Variants in SCAI observed in about 807,000 individuals in gnomAD.
SCAI encodes protein SCAI.
Under a neutral mutation model 92.2 loss-of-function variants are expected in SCAI, and 24 were observed. The ratio of observed to expected loss-of-function variants is 0.26; its 90% CI spans 0.19 to 0.37. The LOEUF (loss-of-function observed/expected upper bound fraction) is 0.37, where lower values mean the gene tolerates loss of function less well. Ranked by LOEUF, SCAI falls within the 10% of genes least tolerant of loss-of-function variation. The pLI is 1.00. For missense variants in SCAI, 450 were observed against 736.2 expected (o/e 0.61, Z 4.50); for synonymous variants, 261 against 258.6 (o/e 1.01, Z -0.09).
intron 2 of SCAI, among the ~76,000 whole-genome samples, chr9:125,113,497 A>G (rs1436890204): frequency 2.6e-5 from 4 of 152,180 alleles, no homozygotes; most frequent in African/African-American, 7.2e-5. Flanking sequence ...CAACAGAAAA[A>G]GGATATTAGG....
intron 14 of SCAI, among the ~76,000 whole-genome samples, chr9:124,983,830 A>T (rs1212665301): frequency 6.6e-6 from 1 of 152,250 alleles, no homozygotes; most frequent in East Asian, 1.9e-4. Context: ...CAACTTGGCT[A>T]CCTACTATCT....
chr9:124,999,926 G>T lies in SCAI; in HGVS notation c.1209C>A (p.Ile403=). ...SNRDIINGDA[I]HKRNQSHKEM... ...CCTTGTGGGACTGATTTCGTTTGTG[G>T]ATGGCATCTCCATTAATAATATCCC... is the stretch of plus-strand genomic sequence containing the variant. The change falls in exon 13 of 18, where the codon ATC becomes ATA. Residue 403 remains isoleucine, a synonymous_variant. Transcript: ENST00000336505. 6.3e-7 allele frequency: 1 copy of T among 1,595,714 alleles called. No homozygotes were observed. The highest frequency in any genetic ancestry group is 8.6e-7 in the Non-Finnish European group (1 of 1,167,780).
At chr9:125,016,376 A>T (rs1462745442) in intron 9 of SCAI, among the ~76,000 whole-genome samples, 1 of 136,236 alleles carries the variant, frequency 7.3e-6, no homozygotes, top group Non-Finnish European at 1.6e-5. Flanking sequence ...AGACAGAGCA[A>T]GACTCTGTCT....
At chr9:125,123,936 T>C (rs1025577560) in intron 2 of SCAI, among the ~76,000 whole-genome samples, 1 of 152,168 alleles carries the variant, frequency 6.6e-6, no homozygotes, top group African/African-American at 2.4e-5. Context: ...GGAGAATATA[T>C]GGAGAGAGAA....
chr9:125,093,133 G>A (rs1388932735), intron 2 of SCAI, among the ~76,000 whole-genome samples: 1 of 152,144 alleles, frequency 6.6e-6, no homozygotes, highest in African/African-American at 2.4e-5. Flanking sequence ...GGCCAAGGTG[G>A]GTGGATCACT....
chr9:125,100,231 T>C (rs746292822), intron 2 of SCAI, among the ~76,000 whole-genome samples: 17 of 152,224 alleles, frequency 1.1e-4, no homozygotes, highest in Non-Finnish European at 2.4e-4. Flanking sequence ...TTGCAACATA[T>C]ATGTCAGAAG....
intron 9 of SCAI, among the ~76,000 whole-genome samples, chr9:125,005,156 T>C (rs1172137039): frequency 6.6e-6 from 1 of 152,026 alleles, no homozygotes; most frequent in African/African-American, 2.4e-5. Context: ...GTCTATATCC[T>C]TTTCCAATTT....
chr9:125,082,033 G>GA (rs1234089847), intron 2 of SCAI, among the ~76,000 whole-genome samples: 2 of 152,086 alleles, frequency 1.3e-5, no homozygotes, highest in African/African-American at 2.4e-5. Context: ...CAAGACTATG[G>GA]AAAAAATGTC....
At chr9:125,135,993 A>AAC (rs1835517139) in intron 2 of SCAI, among the ~76,000 whole-genome samples, 1 of 152,062 alleles carries the variant, frequency 6.6e-6, no homozygotes, top group Non-Finnish European at 1.5e-5. Flanking sequence ...AAACAAAAAA[A>AAC]AAACCATAAT....
At chr9:125,096,272 C>A (rs1834549869) in intron 2 of SCAI, among the ~76,000 whole-genome samples, 1 of 152,152 alleles carries the variant, frequency 6.6e-6, no homozygotes, top group Non-Finnish European at 1.5e-5. Context: ...GCAGAACCAT[C>A]AGATCTCGTG....
intron 2 of SCAI, among the ~76,000 whole-genome samples, chr9:125,138,332 T>C (rs1445312437): frequency 6.8e-6 from 1 of 148,034 alleles, no homozygotes; most frequent in Non-Finnish European, 1.5e-5. Flanking sequence ...CTCGGCTCAC[T>C]GCAACCTCCA....
At chr9:125,068,447 C>T (rs142490397) in intron 2 of SCAI, among the ~76,000 whole-genome samples, 30 of 152,234 alleles carry the variant, frequency 2.0e-4, no homozygotes, top group South Asian at 8.3e-4. Context: ...TTACAGTGAG[C>T]TGACTGAGCC....
intron 14 of SCAI, among the ~76,000 whole-genome samples, chr9:124,988,865 C>T (rs1252712398): frequency 6.6e-6 from 1 of 152,200 alleles, no homozygotes; most frequent in African/African-American, 2.4e-5. Flanking sequence ...ACCAGCCAGG[C>T]ACAGTGGCTC....
intron 14 of SCAI, among the ~76,000 whole-genome samples, chr9:124,980,937 T>G (rs997788680): frequency 1.4e-4 from 21 of 152,196 alleles, no homozygotes; most frequent in Admixed American, 1.2e-3. Flanking sequence ...ATTTTAGGCC[T>G]GAGAAATAGT....
intron 2 of SCAI, among the ~76,000 whole-genome samples, chr9:125,122,270 C>G (rs565099357): frequency 1.3e-3 from 204 of 152,238 alleles, no homozygotes; most frequent in African/African-American, 4.7e-3. Flanking sequence ...TTTTCCTCTT[C>G]TTTTTAACTT....
chr9:124,996,170 C>A (rs1189600751), intron 13 of SCAI, among the ~76,000 whole-genome samples: 2 of 148,844 alleles, frequency 1.3e-5, no homozygotes, highest in Non-Finnish European at 3.0e-5. Flanking sequence ...TAATCAACAC[C>A]TCCATTCCCA....
At chr9:125,032,980 ATCTCT>A (rs1016317430) in intron 3 of SCAI, among the ~76,000 whole-genome samples, 5 of 152,214 alleles carry the variant, frequency 3.3e-5, no homozygotes, top group African/African-American at 9.6e-5. Flanking sequence ...GTGAAAACTG[ATCTCT>A]TCAATTAATA....
intron 2 of SCAI, among the ~76,000 whole-genome samples, chr9:125,102,780 T>A (rs1325323650): frequency 2.0e-5 from 3 of 152,126 alleles, no homozygotes; most frequent in Non-Finnish European, 4.4e-5. Flanking sequence ...GTATTTTCAG[T>A]AGAGGCGGGG....
rs939079403 is a variant in SCAI at position 124,947,968 on chromosome 9, A to G, written c.*4839T>C. 2 of 152,226 alleles carry G rather than the reference A, an allele frequency of 1.3e-5. No homozygotes were observed. The highest frequency in any genetic ancestry group is 2.9e-5 in the Non-Finnish European group (2 of 68,044). The allele number at this position is 152,226 out of a possible 1,614,324, so 9.4% of individuals were successfully genotyped here. On this transcript the variant is annotated 3_prime_UTR_variant, in exon 18 of 18. Coordinates refer to ENST00000336505, the MANE Select transcript of SCAI (RefSeq NM_001144877.3). ...TTCTCTGTATATCAGGCTGATTACAAGTCTCCATAAATAAAATTTTTCAGC... is the reference window on the plus strand; with the variant it reads ...TTCTCTGTATATCAGGCTGATTACAGGTCTCCATAAATAAAATTTTTCAGC...
Sources: gnomAD v4.1 joint callset for allele counts (sites outside exome capture counted in the v4.1 genomes callset) on GRCh38, gnomAD v4.1.1 for gene constraint, MANE v1.5 for transcripts, NCBI Gene and HGNC (gene_info 2026-07-23, HGNC 2026-07-21) for gene names.